Variants in SULT4A1 observed in about 807,000 individuals in gnomAD.
SULT4A1 encodes the protein sulfotransferase 4A1.
SULT4A1 carries 11 observed loss-of-function variants against 35.2 expected under a neutral mutation model. The ratio of observed to expected loss-of-function variants is 0.31; its 90% CI spans 0.20 to 0.52. SULT4A1 has a LOEUF of 0.52. Among genes scored for constraint, SULT4A1 ranks in the 20% least tolerant of loss-of-function variants. The pLI, the probability that SULT4A1 is intolerant of heterozygous loss-of-function variation, is 0.97. For synonymous variants in SULT4A1, 152 were observed against 151.8 expected (o/e 1.00, Z -0.01); for missense variants, 271 against 383.7 (o/e 0.71, Z 2.45).
chr22:43,857,067 T>C (rs1427321150), intron 1 of SULT4A1, among the ~76,000 whole-genome samples: 2 of 151,790 alleles, frequency 1.3e-5, no homozygotes, highest in African/African-American at 4.8e-5. Context: ...CACACATGAA[T>C]AGATGGGATT....
intron 5 of SULT4A1, among the ~76,000 whole-genome samples, chr22:43,829,966 T>A (rs138063): frequency 0.24 from 35,799 of 152,238 alleles, 4,431 homozygotes; most frequent in African/African-American, 0.32. Flanking sequence ...AATTTCTTTA[T>A]TGCAGCACTT....
chr22:43,852,565 G>A (rs2049353435), intron 1 of SULT4A1, among the ~76,000 whole-genome samples: 3 of 151,856 alleles, frequency 2.0e-5, no homozygotes, highest in Admixed American at 2.0e-4. Context: ...GGTGGGAACT[G>A]CCCCCCAGCA....
chr22:43,848,889 C>G (rs1226707205), intron 1 of SULT4A1, among the ~76,000 whole-genome samples: 1 of 152,244 alleles, frequency 6.6e-6, no homozygotes. Flanking sequence ...CAGGGCAGAG[C>G]CACCTGCTGG....
At chr22:43,858,797 C>T (rs7293203) in intron 1 of SULT4A1, among the ~76,000 whole-genome samples, 5,630 of 152,222 alleles carry the variant, frequency 0.037, 354 homozygotes, top group African/African-American at 0.13. Context: ...GCCCTTTGTC[C>T]TCCCTAGGCC....
chr22:43,852,066 C>A (rs570549095), intron 1 of SULT4A1, among the ~76,000 whole-genome samples: 1 of 152,344 alleles, frequency 6.6e-6, no homozygotes, highest in Non-Finnish European at 1.5e-5. Context: ...GAAACAGACA[C>A]CAGCGTGTGT....
At chr22:43,839,386 T>G (rs182809282) in intron 3 of SULT4A1, among the ~76,000 whole-genome samples, 1 of 152,172 alleles carries the variant, frequency 6.6e-6, no homozygotes, top group African/African-American at 2.4e-5. Flanking sequence ...CTGAGGTCAG[T>G]AGTTCAAGAC....
chr22:43,845,426 C>G (rs748150785), intron 1 of SULT4A1, among the ~76,000 whole-genome samples: 14 of 152,228 alleles, frequency 9.2e-5, no homozygotes, highest in Non-Finnish European at 1.5e-4. Context: ...GCAGCCCCTC[C>G]AGCTGACAGA....
At chr22:43,861,008 C>T (rs1414055909) in intron 1 of SULT4A1, among the ~76,000 whole-genome samples, 3 of 152,200 alleles carry the variant, frequency 2.0e-5, no homozygotes, top group Non-Finnish European at 2.9e-5. Context: ...CGATAGAGCA[C>T]TTGGCCCGCA....
At chr22:43,835,796 G>A (rs1327384884) in intron 4 of SULT4A1, among the ~76,000 whole-genome samples, 1 of 152,204 alleles carries the variant, frequency 6.6e-6, no homozygotes, top group East Asian at 1.9e-4. Context: ...GTTGCAGGGG[G>A]AAATAGTGTG....
rs2063411163 is a variant in SULT4A1, at chr22:43,839,982, C to T, written c.344G>A (p.Arg115His). The T allele has an allele frequency of 5.6e-6, 9 of 1,610,222 alleles. No homozygotes were observed. Among genetic ancestry groups the T allele is most frequent in the Non-Finnish European group, 7.6e-6 (9 of 1,178,784 alleles). ...PRLIKSHLPYRFLPSDLHNGD... is the reference protein window; with the variant it reads ...PRLIKSHLPYHFLPSDLHNGD... ...ATTGTGGAGGTCAGAGGGCAGAAAG[C>T]GGTAGGGCAGGTGGCTCTTGATGAG... Residue 115 changes from arginine to histidine, a missense_variant, in exon 3 of 7, where the codon CGC becomes CAC. Arg to His is a conservative substitution (Grantham distance 29, BLOSUM62 0). Transcript: ENST00000330884.
chr22:43,842,015 A>G (rs1486841474), intron 1 of SULT4A1, 83 bp from the exon 2 acceptor site: 1 of 1,522,180 alleles, frequency 6.6e-7, no homozygotes, highest in Non-Finnish European at 8.8e-7. Flanking sequence ...CCTGCTGCCC[A>G]AGAAGGGGCT....
intron 1 of SULT4A1, among the ~76,000 whole-genome samples, chr22:43,852,737 G>A (rs988277451): frequency 4.0e-5 from 6 of 151,146 alleles, no homozygotes; most frequent in African/African-American, 1.5e-4. Context: ...GCTCTAAGAG[G>A]AAAAGTAGAG....
intron 2 of SULT4A1, among the ~76,000 whole-genome samples, chr22:43,841,078 C>T (rs1206378322): frequency 1.3e-5 from 2 of 152,246 alleles, no homozygotes; most frequent in Non-Finnish European, 2.9e-5. Flanking sequence ...GCCTTGAACG[C>T]GGTGGCCCTC....
In SULT4A1 at chr22:43,846,901, C is replaced by T. The variant is rs567096451; in HGVS notation, c.170-4969G>A. 1.9e-3 allele frequency among the ~76,000 whole-genome samples: 289 copies of T among 152,322 alleles called. 4 individuals are homozygous for T. Among genetic ancestry groups the T allele is most frequent in the Non-Finnish European group, 4.1e-4 (28 of 68,030 alleles). Reference sequence around the variant, plus strand: ...TCACCTATTTTTCACGTTCCCCACCCGTGCAGCCCCGCAGGCCAACGACCC... The same window carrying T: ...TCACCTATTTTTCACGTTCCCCACCTGTGCAGCCCCGCAGGCCAACGACCC... On this transcript the variant is annotated intron_variant, in intron 1 of 6. Coordinates refer to ENST00000330884, the MANE Select transcript of SULT4A1 (RefSeq NM_014351.4).
At position 43,829,174 on chromosome 22, in the gene SULT4A1, G is replaced by A; in HGVS notation, c.628C>T (p.Leu210=). ...HRDLVTMVEQ[L]ARFLGVSCDK... ...CAGGACACCCCCAGGAATCTGGCCA[G>A]CTGCTCCACCATCGTCACCAGGTCC... Residue 210 remains leucine, a synonymous_variant, in exon 6 of 7, where the codon CTG becomes TTG. Transcript: ENST00000330884. 6.4e-7 allele frequency: 1 copy of A among 1,566,104 alleles called. No homozygotes were observed. Among genetic ancestry groups the A allele is most frequent in the Non-Finnish European group, 8.7e-7 (1 of 1,155,558 alleles).
chr22:43,833,838 G>A lies in SULT4A1; in HGVS notation c.509-104C>T, dbSNP rs572101650. ...GCTGCCCTCCTGCCACCCAGCAGCCGTGATGAGGACATCGTGATCCCTGCG... is the reference window on the plus strand; with the variant it reads ...GCTGCCCTCCTGCCACCCAGCAGCCATGATGAGGACATCGTGATCCCTGCG... On this transcript the variant is annotated intron_variant, in intron 4 of 6. Transcript: ENST00000330884. 5.3e-5 allele frequency: 49 copies of A among 929,256 alleles called. No homozygotes were observed. In the African/African-American group the frequency reaches 6.7e-4, roughly 13 times the overall value. 57.6% of individuals were successfully genotyped at this position (929,256 alleles called of 1,614,324 possible). A position where few individuals can be genotyped will look rare whatever the true frequency, so the allele number is the denominator to read the frequency against.
At chr22:43,843,009 T>G (rs1044120637) in intron 1 of SULT4A1, among the ~76,000 whole-genome samples, 1 of 87,120 alleles carries the variant, frequency 1.1e-5, no homozygotes, top group African/African-American at 4.9e-5. Flanking sequence ...CTCTCTGACC[T>G]TCTCCTGCCC....
At chr22:43,840,382 G>C (rs139024087) in intron 2 of SULT4A1, among the ~76,000 whole-genome samples, 1 of 152,088 alleles carries the variant, frequency 6.6e-6, no homozygotes, top group African/African-American at 2.4e-5. Flanking sequence ...GTCCTGGAGA[G>C]AGTCTCGGAC....
chr22:43,856,133 G>C (rs2049398982), intron 1 of SULT4A1, among the ~76,000 whole-genome samples: 1 of 152,220 alleles, frequency 6.6e-6, no homozygotes, highest in Admixed American at 6.5e-5. Context: ...GCATGCTTTG[G>C]AGAGAGCCTT....
Sources: gnomAD v4.1 joint callset for allele counts (sites outside exome capture counted in the v4.1 genomes callset) on GRCh38, gnomAD v4.1.1 for gene constraint, MANE v1.5 for transcripts, NCBI Gene and HGNC (gene_info 2026-07-23, HGNC 2026-07-21) for gene names.